The following CPNE2 variants were observed in gnomAD, a reference collection of about 807,000 sequenced individuals.
The protein encoded by CPNE2 is copine 2.
CPNE2 carries 42 observed loss-of-function variants against 69.7 expected under a neutral mutation model. The ratio of observed to expected loss-of-function variants is 0.60; its 90% CI spans 0.47 to 0.78. The LOEUF (loss-of-function observed/expected upper bound fraction) is 0.78, where lower values mean the gene tolerates loss of function less well. Among genes scored for constraint, CPNE2 ranks in the 30% least tolerant of loss-of-function variants. The pLI is 0.00. For synonymous variants in CPNE2, 294 were observed against 289.8 expected (o/e 1.01, Z -0.15); for missense variants, 587 against 732.0 (o/e 0.80, Z 2.29).
intron 1 of CPNE2, among the ~76,000 whole-genome samples, chr16:57,093,295 G>A (rs372024894): frequency 3.3e-5 from 5 of 152,088 alleles, no homozygotes; most frequent in Non-Finnish European, 5.9e-5. Context: ...GAGCGCAGAG[G>A]GGGAGTGGAG....
At chr16:57,141,733 G>A (rs1344978476) in intron 14 of CPNE2, 3 of 152,210 alleles carry the variant, frequency 2.0e-5, no homozygotes, top group Non-Finnish European at 2.9e-5. Flanking sequence ...TCTGTGCGAC[G>A]AGGATAATGG....
intron 1 of CPNE2, among the ~76,000 whole-genome samples, chr16:57,096,917 A>T (rs563629479): frequency 6.6e-6 from 1 of 151,996 alleles, no homozygotes; most frequent in Non-Finnish European, 1.5e-5. Context: ...CACACTAGGC[A>T]TGTCCACACC....
intron 9 of CPNE2, 126 bp from the exon 10 acceptor site, chr16:57,123,288 A>C (rs2069776043): frequency 1.1e-6 from 1 of 899,254 alleles, no homozygotes; most frequent in African/African-American, 1.6e-5. Context: ...TTGTAATTAG[A>C]TCAGGCCCAT....
chr16:57,129,490 G>C (rs1205818837), intron 12 of CPNE2, among the ~76,000 whole-genome samples: 2 of 152,216 alleles, frequency 1.3e-5, no homozygotes, highest in African/African-American at 4.8e-5. Flanking sequence ...GCTAGGCTCA[G>C]CAGGGGAGAT....
chr16:57,136,651 T>C (rs2145277680), intron 13 of CPNE2, among the ~76,000 whole-genome samples: 1 of 152,302 alleles, frequency 6.6e-6, no homozygotes, highest in South Asian at 2.1e-4. Flanking sequence ...CGGTGACTCA[T>C]GCCTGTAATC....
intron 1 of CPNE2, among the ~76,000 whole-genome samples, chr16:57,099,844 C>T (rs900776058): frequency 7.6e-5 from 11 of 145,674 alleles, no homozygotes; most frequent in African/African-American, 2.0e-4. Context: ...GGTGCGATCT[C>T]GGCTCACTGC....
intron 14 of CPNE2, among the ~76,000 whole-genome samples, chr16:57,138,583 C>G (rs2069899857): frequency 6.6e-6 from 1 of 152,180 alleles, no homozygotes; most frequent in African/African-American, 2.4e-5. Flanking sequence ...GCTGTTCCCC[C>G]GCAGGTCCTT....
At chr16:57,097,842 G>T (rs568670552) in intron 1 of CPNE2, among the ~76,000 whole-genome samples, 3 of 152,298 alleles carry the variant, frequency 2.0e-5, no homozygotes, top group Admixed American at 1.3e-4. Context: ...CACTCCCAAG[G>T]TCCCCTAAGT....
rs1309191353 is a variant in CPNE2, at chr16:57,125,998, G to A, written c.1061+5G>A. On this transcript the variant is annotated splice_donor_5th_base_variant and intron_variant, in intron 11 of 15. Coordinates refer to ENST00000290776, the MANE Select transcript of CPNE2 (RefSeq NM_152727.6). ...GATCATTCAGGACTACGACAGGTAAGGTTGGAGAGGGGCTCTGAAGGTCAG... is the reference window on the plus strand; with the variant it reads ...GATCATTCAGGACTACGACAGGTAAAGTTGGAGAGGGGCTCTGAAGGTCAG... The A allele has an allele frequency of 2.5e-6, 4 of 1,613,976 alleles. No individual in the cohort carries two copies. Among genetic ancestry groups the A allele is most frequent in the Admixed American group, 3.3e-5 (2 of 60,008 alleles).
chr16:57,104,976 C>T (rs2069639226), intron 1 of CPNE2, among the ~76,000 whole-genome samples: 1 of 152,120 alleles, frequency 6.6e-6, no homozygotes, highest in Non-Finnish European at 1.5e-5. Context: ...GTCCTGTCAT[C>T]CTGGGCACGA....
intron 1 of CPNE2, among the ~76,000 whole-genome samples, chr16:57,109,291 T>C (rs2069665581): frequency 1.3e-5 from 2 of 152,170 alleles, no homozygotes; most frequent in South Asian, 4.1e-4. Context: ...GCCTGGTCAA[T>C]GTGGTGAAAC....
chr16:57,144,070 TAAGGG>T (rs1426505850), intron 14 of CPNE2: 1 of 152,290 alleles, frequency 6.6e-6, no homozygotes, highest in Non-Finnish European at 1.5e-5. Context: ...GAGGGCCGCC[TAAGGG>T]AAGGGGCCCA....
At chr16:57,111,149 A>C (rs929046564) in intron 2 of CPNE2, among the ~76,000 whole-genome samples, 10 of 151,452 alleles carry the variant, frequency 6.6e-5, no homozygotes, top group Admixed American at 6.6e-4. Context: ...CTATAGATTT[A>C]TATTTATATG....
intron 10 of CPNE2, 175 bp downstream of exon 10, chr16:57,123,648 G>A: frequency 1.8e-5 from 12 of 652,804 alleles, no homozygotes; most frequent in Non-Finnish European, 2.9e-5. Flanking sequence ...GTCTGGTCCT[G>A]CTGGGTGTGC....
At chr16:57,114,371 C>T (rs1459940146) in intron 3 of CPNE2, among the ~76,000 whole-genome samples, 1 of 152,162 alleles carries the variant, frequency 6.6e-6, no homozygotes, top group Non-Finnish European at 1.5e-5. Flanking sequence ...ACCTGTGGCC[C>T]ATAGAGGGAG....
intron 1 of CPNE2, among the ~76,000 whole-genome samples, chr16:57,099,976 T>C (rs1471511039): frequency 6.6e-6 from 1 of 152,112 alleles, no homozygotes; most frequent in Non-Finnish European, 1.5e-5. Flanking sequence ...GGTTTCACCA[T>C]GCTAGCCGGG....
At chr16:57,101,361 ATT>A (rs1315145270) in intron 1 of CPNE2, among the ~76,000 whole-genome samples, 1 of 152,182 alleles carries the variant, frequency 6.6e-6, no homozygotes. Context: ...GAAGGAGGCA[ATT>A]TAGACCTGGA....
chr16:57,133,815 G>A (rs1162073568), intron 12 of CPNE2, among the ~76,000 whole-genome samples: 1 of 152,216 alleles, frequency 6.6e-6, no homozygotes, highest in Non-Finnish European at 1.5e-5. Context: ...TCCATAAGAT[G>A]AGGTGATAAC....
chr16:57,107,348 G>C (rs1333720606), intron 1 of CPNE2, among the ~76,000 whole-genome samples: 1 of 152,214 alleles, frequency 6.6e-6, no homozygotes, highest in African/African-American at 2.4e-5. Context: ...GGGGGCTGAG[G>C]ACCAGCTTCA....
Sources: gnomAD v4.1 joint callset for allele counts (sites outside exome capture counted in the v4.1 genomes callset) on GRCh38, gnomAD v4.1.1 for gene constraint, MANE v1.5 for transcripts, NCBI Gene and HGNC (gene_info 2026-07-23, HGNC 2026-07-21) for gene names.